SHISA9: variants seen among roughly 807,000 people sequenced by gnomAD.
SHISA9 encodes the protein protein shisa-9.
A neutral mutation model predicts 38.0 loss-of-function variants in SHISA9; 13 were observed. That is an observed-to-expected ratio of 0.34 (90% CI 0.22 to 0.54). SHISA9 has a LOEUF of 0.54. Ranked by LOEUF, SHISA9 falls within the 20% of genes least tolerant of loss-of-function variation. The pLI, the probability that SHISA9 is intolerant of heterozygous loss-of-function variation, is 0.91. For missense variants in SHISA9, 538 were observed against 575.8 expected (o/e 0.93, Z 0.67); for synonymous variants, 275 against 242.0 (o/e 1.14, Z -1.27).
chr16:13,433,088 T>C, the SHISA9 span, among the ~76,000 whole-genome samples: 1 of 143,726 alleles, frequency 7.0e-6, no homozygotes, highest in Non-Finnish European at 1.5e-5. Flanking sequence ...AAAAATGCTA[T>C]ATTAAAGCTT....
the SHISA9 span, among the ~76,000 whole-genome samples, chr16:13,456,109 G>C: frequency 2.6e-5 from 4 of 152,216 alleles, no homozygotes; most frequent in African/African-American, 4.8e-5. Context: ...TGTAAGGACT[G>C]CTAAGAAGAA....
chr16:13,392,305 T>A, the SHISA9 span, among the ~76,000 whole-genome samples: 10 of 152,184 alleles, frequency 6.6e-5, no homozygotes, highest in Non-Finnish European at 1.5e-4. Context: ...ACAGCTCCCT[T>A]CTTTTTAGTT....
chr16:13,410,046 A>T, the SHISA9 span, among the ~76,000 whole-genome samples: 1 of 152,252 alleles, frequency 6.6e-6, no homozygotes, highest in Non-Finnish European at 1.5e-5. Flanking sequence ...TAGTAGTATT[A>T]GTAGCATGGA....
the SHISA9 span, among the ~76,000 whole-genome samples, chr16:13,537,996 T>TA: frequency 6.6e-6 from 1 of 152,200 alleles, no homozygotes; most frequent in Non-Finnish European, 1.5e-5. Flanking sequence ...GATGATAAAA[T>TA]AAGTATATTT....
chr16:13,011,227 T>C (rs2072669412), intron 2 of SHISA9, among the ~76,000 whole-genome samples: 1 of 152,056 alleles, frequency 6.6e-6, no homozygotes, highest in Non-Finnish European at 1.5e-5. Context: ...ATATTTAAGG[T>C]ATACAACATG....
the SHISA9 span, among the ~76,000 whole-genome samples, chr16:13,348,678 G>C: frequency 6.6e-6 from 1 of 151,756 alleles, no homozygotes; most frequent in African/African-American, 2.4e-5. Context: ...CAATCTGATT[G>C]GTCCTGTTTG....
chr16:13,157,351 A>T (rs2050556476), intron 2 of SHISA9, among the ~76,000 whole-genome samples: 1 of 152,200 alleles, frequency 6.6e-6, no homozygotes, highest in African/African-American at 2.4e-5. Flanking sequence ...TGCATACATG[A>T]TAATACTTGA....
the SHISA9 span, among the ~76,000 whole-genome samples, chr16:13,455,076 C>G: frequency 0.16 from 24,957 of 152,060 alleles, 2,574 homozygotes; most frequent in East Asian, 0.35. Flanking sequence ...TATTCAATTT[C>G]TACACCAGAG....
chr16:13,492,904 T>C, the SHISA9 span, among the ~76,000 whole-genome samples: 1 of 152,178 alleles, frequency 6.6e-6, no homozygotes, highest in African/African-American at 2.4e-5. Context: ...AGGAGTTTAG[T>C]ATGTTTGAGA....
At chr16:13,024,668 C>T (rs1249349215) in intron 2 of SHISA9, among the ~76,000 whole-genome samples, 1 of 152,218 alleles carries the variant, frequency 6.6e-6, no homozygotes, top group African/African-American at 2.4e-5. Context: ...GGCTGTATGA[C>T]AAGTGAGCTA....
chr16:13,116,557 C>T (rs967405231), intron 2 of SHISA9, among the ~76,000 whole-genome samples: 1 of 152,150 alleles, frequency 6.6e-6, no homozygotes, highest in African/African-American at 2.4e-5. Context: ...GAGCTAGTTG[C>T]TATGTTCTGT....
chr16:13,263,025 T>C, the SHISA9 span, among the ~76,000 whole-genome samples: 17 of 152,296 alleles, frequency 1.1e-4, no homozygotes, highest in East Asian at 3.1e-3. Context: ...CTCTGTTTAC[T>C]TGCCTTAAAT....
intron 2 of SHISA9, among the ~76,000 whole-genome samples, chr16:13,144,888 A>G (rs1365011294): frequency 6.6e-6 from 1 of 152,176 alleles, no homozygotes; most frequent in Non-Finnish European, 1.5e-5. Flanking sequence ...AAGAAGGGGG[A>G]AAAATCTAGG....
the SHISA9 span, among the ~76,000 whole-genome samples, chr16:13,378,347 C>T: frequency 2.0e-5 from 3 of 152,328 alleles, no homozygotes; most frequent in Non-Finnish European, 4.4e-5. Context: ...GGCAAGCTCT[C>T]TCCATGTGGT....
intron 2 of SHISA9, among the ~76,000 whole-genome samples, chr16:13,176,887 A>T (rs1241750655): frequency 2.0e-5 from 3 of 152,158 alleles, no homozygotes; most frequent in African/African-American, 7.2e-5. Context: ...TGAGACAATA[A>T]TGAAGCCATG....
the SHISA9 span, among the ~76,000 whole-genome samples, chr16:13,304,136 C>T: frequency 1.1e-4 from 16 of 152,314 alleles, no homozygotes; most frequent in South Asian, 3.1e-3. Context: ...TTTCTCCAAC[C>T]TCTGTCTTTG....
intron 1 of SHISA9, among the ~76,000 whole-genome samples, chr16:12,912,387 A>G (rs1410410930): frequency 6.6e-6 from 1 of 152,192 alleles, no homozygotes; most frequent in Non-Finnish European, 1.5e-5. Context: ...CACAGTAGCC[A>G]TTCTGATTAC....
chr16:13,479,324 G>A, the SHISA9 span, among the ~76,000 whole-genome samples: 2 of 152,256 alleles, frequency 1.3e-5, no homozygotes, highest in African/African-American at 4.8e-5. Context: ...CATGTAGGTA[G>A]CATATTCATA....
At chr16:13,241,012 T>G (rs780785144), downstream of SHISA9, among the ~76,000 whole-genome samples, 4 of 152,178 alleles carry the variant, frequency 2.6e-5, no homozygotes, top group Non-Finnish European at 5.9e-5. Flanking sequence ...CAGCTACCAC[T>G]ATGCACGGCT....
Sources: allele counts gnomAD v4.1 joint callset (sites outside exome capture counted in the v4.1 genomes callset), GRCh38; gene constraint gnomAD v4.1.1; transcripts MANE v1.5; gene names NCBI Gene and HGNC (gene_info 2026-07-23, HGNC 2026-07-21).